The following CSMD1 variants were observed in gnomAD, a reference collection of about 807,000 sequenced individuals.
CSMD1 encodes CUB and Sushi multiple domains 1.
CSMD1 carries 213 observed loss-of-function variants against 417.5 expected under a neutral mutation model. The observed-to-expected ratio is 0.51, with a 90% CI of 0.46 to 0.57. CSMD1 has a LOEUF of 0.57. CSMD1 is among the 20% of genes least tolerant of loss of function. The probability of loss-of-function intolerance (pLI) is 0.00; values close to 1 mark genes in which losing one functional copy is unlikely to be tolerated. For missense variants in CSMD1, 6,923 were observed against 4,529.7 expected (o/e 1.53, Z -15.17); for synonymous variants, 2,862 against 1,736.8 (o/e 1.65, Z -16.11).
intron 22 of CSMD1, among the ~76,000 whole-genome samples, chr8:3,344,186 C>G (rs997373077): frequency 2.6e-5 from 4 of 152,148 alleles, no homozygotes; most frequent in African/African-American, 9.7e-5. Flanking sequence ...AGTGGGGAGA[C>G]AGGTCACATG....
chr8:3,620,892 G>A (rs4875754), intron 7 of CSMD1, among the ~76,000 whole-genome samples: 56,507 of 151,852 alleles, frequency 0.37, 10,828 homozygotes, highest in Middle Eastern at 0.47. Flanking sequence ...CCCCGCAAAG[G>A]GTTACACCTT....
chr8:4,779,652 G>C (rs968392951), intron 1 of CSMD1, among the ~76,000 whole-genome samples: 10 of 152,166 alleles, frequency 6.6e-5, no homozygotes, highest in Non-Finnish European at 1.5e-5. Context: ...GCTGGCTTTA[G>C]CATTTTTATA....
intron 5 of CSMD1, among the ~76,000 whole-genome samples, chr8:3,943,115 G>A (rs903216839): frequency 2.0e-5 from 3 of 152,028 alleles, no homozygotes; most frequent in African/African-American, 7.2e-5. Context: ...CGGAATTTAT[G>A]TTTGTCATTA....
chr8:4,027,366 A>T (rs1347166410), intron 4 of CSMD1, among the ~76,000 whole-genome samples: 2 of 152,244 alleles, frequency 1.3e-5, no homozygotes, highest in East Asian at 3.9e-4. Context: ...TTGAATTGTA[A>T]CCTAAATTCT....
intron 1 of CSMD1, among the ~76,000 whole-genome samples, chr8:4,707,628 T>C (rs573582006): frequency 6.6e-6 from 1 of 152,028 alleles, no homozygotes; most frequent in Non-Finnish European, 1.5e-5. Flanking sequence ...GGCTCACTCC[T>C]GTAATCCCAG....
At chr8:3,964,581 C>T (rs1812548563) in intron 5 of CSMD1, among the ~76,000 whole-genome samples, 1 of 152,148 alleles carries the variant, frequency 6.6e-6, no homozygotes. Context: ...CAGGTTAATT[C>T]TCTGATCCAC....
chr8:4,963,214 T>TTTA (rs1809629023), intron 1 of CSMD1, among the ~76,000 whole-genome samples: 2 of 152,298 alleles, frequency 1.3e-5, no homozygotes, highest in East Asian at 1.9e-4. Flanking sequence ...TTATTTATTT[T>TTTA]ATTTGAGATG....
intron 2 of CSMD1, among the ~76,000 whole-genome samples, chr8:4,443,409 T>A (rs916260847): frequency 2.6e-5 from 4 of 152,116 alleles, no homozygotes; most frequent in Non-Finnish European, 5.9e-5. Context: ...TCCAAGAAAA[T>A]TGCAACAATC....
intron 3 of CSMD1, among the ~76,000 whole-genome samples, chr8:4,308,289 G>C (rs906829595): frequency 6.6e-6 from 1 of 152,036 alleles, no homozygotes; most frequent in African/African-American, 2.4e-5. Flanking sequence ...TTGATGGTGT[G>C]TGTGAAGTTT....
rs199648100 is a variant in CSMD1, at chr8:4,454,835, G to GT, written c.303-34771dup. Reference sequence around the variant, plus strand: ...TATCTCAACCATAAGAAGAGCAAAGGTTTTTTTCCACAGTTTAGTTTTAAA... The same window carrying GT: ...TATCTCAACCATAAGAAGAGCAAAGGTTTTTTTTCCACAGTTTAGTTTTAAA... On this transcript the variant is annotated intron_variant, in intron 2 of 69. Coordinates refer to ENST00000635120, the MANE Select transcript of CSMD1 (RefSeq NM_033225.6). Among the ~76,000 whole-genome samples, 299 of 152,166 alleles carry GT rather than the reference G, an allele frequency of 2.0e-3. 4 individuals are homozygous for GT. The East Asian group carries it at 0.03, about 15-fold the overall frequency.
intron 5 of CSMD1, among the ~76,000 whole-genome samples, chr8:3,873,119 T>C (rs530524785): frequency 3.2e-4 from 49 of 151,894 alleles, no homozygotes; most frequent in Admixed American, 4.6e-4. Flanking sequence ...TGTAAATTAG[T>C]TCAACTATTG....
chr8:4,253,485 A>C (rs1398748734), intron 3 of CSMD1, among the ~76,000 whole-genome samples: 1 of 152,204 alleles, frequency 6.6e-6, no homozygotes, highest in Non-Finnish European at 1.5e-5. Flanking sequence ...AGTTCTTACT[A>C]TGCACCAGAC....
At chr8:3,592,087 G>C (rs866319386) in intron 8 of CSMD1, among the ~76,000 whole-genome samples, 4 of 152,046 alleles carry the variant, frequency 2.6e-5, no homozygotes, top group African/African-American at 9.7e-5. Context: ...TGACGGATTA[G>C]AGAGACAGAT....
At chr8:4,396,155 T>C (rs1260123324) in intron 3 of CSMD1, among the ~76,000 whole-genome samples, 1 of 152,112 alleles carries the variant, frequency 6.6e-6, no homozygotes, top group Non-Finnish European at 1.5e-5. Flanking sequence ...ATAGAAGTAA[T>C]TATTTGCAAA....
In CSMD1 at chr8:3,095,310, T is replaced by C. The variant is rs376505369; in HGVS notation, c.7138+1539A>G. Among the ~76,000 whole-genome samples, 287 of 152,302 alleles carry C rather than the reference T, an allele frequency of 1.9e-3. 1 individual carries two copies. The highest frequency in any genetic ancestry group is 6.6e-3 in the South Asian group (32 of 4,830). ...ATTTTAATTTTTGCATAATACCTAA[T>C]AGGCCTCAAATAGAGTTTACCTCTC... On this transcript the variant is annotated intron_variant, in intron 47 of 69. Coordinates refer to ENST00000635120, the MANE Select transcript of CSMD1 (RefSeq NM_033225.6).
At chr8:3,315,254 C>T (rs1805662456) in intron 23 of CSMD1, among the ~76,000 whole-genome samples, 1 of 152,072 alleles carries the variant, frequency 6.6e-6, no homozygotes, top group Non-Finnish European at 1.5e-5. Flanking sequence ...TATTTGGATT[C>T]ATCTGAATAG....
At chr8:3,677,391 T>C (rs1210092324) in intron 7 of CSMD1, among the ~76,000 whole-genome samples, 3 of 152,112 alleles carry the variant, frequency 2.0e-5, no homozygotes, top group Non-Finnish European at 2.9e-5. Context: ...CAAGAAAACA[T>C]ACCCAGTTCA....
intron 5 of CSMD1, among the ~76,000 whole-genome samples, chr8:3,776,827 G>C (rs770288117): frequency 1.9e-5 from 2 of 103,588 alleles, no homozygotes; most frequent in East Asian, 6.2e-4. Context: ...TATATATACA[G>C]ATGACAGATC....
At chr8:3,833,220 G>A (rs759052216) in intron 5 of CSMD1, among the ~76,000 whole-genome samples, 13 of 151,990 alleles carry the variant, frequency 8.6e-5, no homozygotes, top group East Asian at 5.8e-4. Flanking sequence ...TTTTTTGTCC[G>A]TACTGTAATT....
Sources: allele counts gnomAD v4.1 joint callset (sites outside exome capture counted in the v4.1 genomes callset), GRCh38; gene constraint gnomAD v4.1.1; transcripts MANE v1.5; gene names NCBI Gene and HGNC (gene_info 2026-07-23, HGNC 2026-07-21).